CABIN1: variants seen among roughly 807,000 people sequenced by gnomAD.
The protein encoded by CABIN1 is calcineurin-binding protein cabin-1.
CABIN1 carries 133 observed loss-of-function variants against 227.7 expected under a neutral mutation model. That is an observed-to-expected ratio of 0.58 (90% CI 0.51 to 0.67). The LOEUF (loss-of-function observed/expected upper bound fraction) is 0.67. Among genes scored for constraint, CABIN1 ranks in the 30% least tolerant of loss-of-function variants. CABIN1 has a pLI of 0.00. For synonymous variants in CABIN1, 1,086 were observed against 1,155.1 expected, an observed-to-expected ratio of 0.94 and a Z score of 1.21; for missense variants, 2,408 against 2,852.5, an observed-to-expected ratio of 0.84 and a Z score of 3.55.
In CABIN1 at chr22:24,167,092, GC is replaced by G; in HGVS notation, c.5466del (p.Ala1823ProfsTer83). The G allele has an allele frequency of 8.3e-7, 1 of 1,209,058 alleles. No homozygotes were observed. The highest frequency in any genetic ancestry group is 1.1e-6 in the Non-Finnish European group (1 of 889,682). The allele number at this position is 1,209,058 out of a possible 1,614,324, so 74.9% of individuals were successfully genotyped here. A position where few individuals can be genotyped will look rare whatever the true frequency, so the allele number is the denominator to read the frequency against. Reference sequence around the variant, plus strand: ...GCTCACCCCAGCCCAGCCAGCCCCCGCCCCCGCCCCCGCCACCACCACAGGG... The same window carrying G: ...GCTCACCCCAGCCCAGCCAGCCCCCGCCCCGCCCCCGCCACCACCACAGGG... ...TPLTPAQPAP[A>X]PAPATTTGTR... On this transcript the variant is annotated frameshift_variant, in exon 32 of 37. Transcript: ENST00000263119. LOFTEE classifies it high-confidence loss of function.
intron 26 of CABIN1, 94 bp downstream of exon 26, chr22:24,098,286 AG>A (rs575668543): frequency 5.0e-5 from 69 of 1,381,276 alleles, no homozygotes; most frequent in Admixed American, 2.6e-4. Flanking sequence ...CGTTTTGGTG[AG>A]GGGGGGTGCT....
chr22:24,168,512 C>A lies in CABIN1; in HGVS notation c.5748C>A (p.Ala1916=). The A allele has an allele frequency of 6.4e-7, 1 of 1,557,784 alleles. No homozygotes were observed. The highest frequency in any genetic ancestry group is 8.7e-7 in the Non-Finnish European group (1 of 1,150,618). ...GCCAGGTCCATCTTGGGGCTGCCGC[C>A]CAGAGACAGGTAAGCCCAATTTAGC... is the stretch of plus-strand genomic sequence containing the variant. ...KFCQVHLGAA[A]QRQASGDTPT... is the part of the protein sequence containing the mutation. The change falls in exon 33 of 37, where the codon GCC becomes GCA. Residue 1916 remains alanine, a synonymous_variant. Transcript: ENST00000263119.
At chr22:24,091,267 G>A (rs886924724) in intron 23 of CABIN1, among the ~76,000 whole-genome samples, 3 of 152,220 alleles carry the variant, frequency 2.0e-5, no homozygotes, top group African/African-American at 7.2e-5. Flanking sequence ...CCTCTCCAGT[G>A]CTGTGGAGCA....
chr22:24,065,058 G>A (rs111915066), intron 15 of CABIN1, among the ~76,000 whole-genome samples: 13 of 151,936 alleles, frequency 8.6e-5, no homozygotes, highest in Non-Finnish European at 1.8e-4. Flanking sequence ...GGTGGTGGCC[G>A]GGCAGAGGGG....
intron 1 of CABIN1, among the ~76,000 whole-genome samples, chr22:24,015,490 G>A (rs2035206524): frequency 6.7e-6 from 1 of 150,102 alleles, no homozygotes; most frequent in South Asian, 2.2e-4. Flanking sequence ...GACTACAGGC[G>A]CCCACCACCG....
intron 34 of CABIN1, among the ~76,000 whole-genome samples, chr22:24,172,854 G>T (rs1441733993): frequency 6.6e-6 from 1 of 152,176 alleles, no homozygotes; most frequent in African/African-American, 2.4e-5. Flanking sequence ...CCTGGGCCAG[G>T]TTCCACCTGC....
intron 29 of CABIN1, among the ~76,000 whole-genome samples, chr22:24,159,317 G>A (rs954273555): frequency 1.3e-5 from 2 of 152,238 alleles, no homozygotes; most frequent in African/African-American, 2.4e-5. Context: ...CAGAAGCTGG[G>A]GGCAACCCTG....
chr22:24,110,163 G>A (rs531973774), intron 26 of CABIN1, among the ~76,000 whole-genome samples: 48 of 152,246 alleles, frequency 3.2e-4, no homozygotes, highest in African/African-American at 1.1e-3. Context: ...ACAAGACCCT[G>A]TCTCAAAAAA....
rs751849050 is a variant in CABIN1, at chr22:24,171,696, CTT to C, written c.5758-16_5758-15del. The C allele has an allele frequency of 5.6e-6, 9 of 1,613,728 alleles. No individual in the cohort carries two copies. The highest frequency in any genetic ancestry group is 2.7e-5 in the African/African-American group (2 of 74,934). On this transcript the variant is annotated splice_polypyrimidine_tract_variant and intron_variant, in intron 33 of 36. Transcript: ENST00000263119. The stretch of plus-strand genomic sequence containing the variant: ...GCTGCCTAGCCAGCCTTTCTCACCT[CTT>C]GTTTGTCCTCACAGGCCTCGGGGGA...
At chr22:24,042,708 CA>C (rs2037471836) in intron 5 of CABIN1, among the ~76,000 whole-genome samples, 195 bp from the exon 6 acceptor site, 1 of 152,056 alleles carries the variant, frequency 6.6e-6, no homozygotes, top group Non-Finnish European at 1.5e-5. Flanking sequence ...CATTACTTGT[CA>C]GTTATAAGAT....
intron 29 of CABIN1, among the ~76,000 whole-genome samples, chr22:24,147,732 G>T (rs575693100): frequency 6.6e-6 from 1 of 152,228 alleles, no homozygotes; most frequent in Non-Finnish European, 1.5e-5. Context: ...GCATGAGCCA[G>T]TGTGCCTGGC....
intron 19 of CABIN1, among the ~76,000 whole-genome samples, chr22:24,078,716 C>G (rs757457706): frequency 2.6e-5 from 4 of 152,292 alleles, no homozygotes; most frequent in Non-Finnish European, 4.4e-5. Context: ...TGCCCACCCC[C>G]CTTCTGTGTA....
chr22:24,036,501 G>A (rs1023442779), intron 3 of CABIN1, among the ~76,000 whole-genome samples: 9 of 152,096 alleles, frequency 5.9e-5, no homozygotes, highest in African/African-American at 1.9e-4. Context: ...ATGGTGTTTC[G>A]AGGTTCCCTA....
intron 26 of CABIN1, among the ~76,000 whole-genome samples, chr22:24,106,453 A>C (rs1481514345): frequency 6.6e-6 from 1 of 152,212 alleles, no homozygotes; most frequent in Non-Finnish European, 1.5e-5. Flanking sequence ...ACCACAGTCC[A>C]AACAACCCTC....
At position 24,171,731 on chromosome 22, in the gene CABIN1, A is replaced by G; in HGVS notation, c.5776A>G (p.Thr1926Ala). The change falls in exon 34 of 37, where the codon ACC becomes GCC. Residue 1926 changes from threonine to alanine, a missense_variant. Transcript: ENST00000263119. ...CTCACAGGCCTCGGGGGACACCCCCACCACTCCAAAGCACCCCAAAGACAG... is the reference window on the plus strand; with the variant it reads ...CTCACAGGCCTCGGGGGACACCCCCGCCACTCCAAAGCACCCCAAAGACAG... The part of the protein sequence containing the change: ...AQRQASGDTP[T>A]TPKHPKDSRE... The G allele has an allele frequency of 1.9e-6, 3 of 1,614,052 alleles. No individual in the cohort carries two copies. Among genetic ancestry groups the G allele is most frequent in the Middle Eastern group, 1.6e-4 (1 of 6,062 alleles).
chr22:24,058,368 C>T (rs2038952494), intron 10 of CABIN1, among the ~76,000 whole-genome samples: 1 of 152,222 alleles, frequency 6.6e-6, no homozygotes, highest in East Asian at 1.9e-4. Context: ...AACATGGTAG[C>T]TCGCCTGATG....
At chr22:24,114,513 G>C (rs1255144967) in intron 27 of CABIN1, among the ~76,000 whole-genome samples, 1 of 152,238 alleles carries the variant, frequency 6.6e-6, no homozygotes, top group Non-Finnish European at 1.5e-5. Context: ...TAGAAAAAAA[G>C]CACAATGACT....
At chr22:24,045,984 A>C (rs1484259606) in intron 6 of CABIN1, among the ~76,000 whole-genome samples, 3 of 152,240 alleles carry the variant, frequency 2.0e-5, no homozygotes, top group Non-Finnish European at 4.4e-5. Context: ...AAGATACAGA[A>C]CATGTGCAGC....
In CABIN1 at chr22:24,038,430, A is replaced by G; in HGVS notation, c.179A>G (p.His60Arg). 1.2e-6 allele frequency: 2 copies of G among 1,614,008 alleles called. No individual in the cohort carries two copies. Among genetic ancestry groups the G allele is most frequent in the Middle Eastern group, 1.7e-4 (1 of 6,006 alleles). Reference sequence around the variant, plus strand: ...TTTGAGGAGTCTGCCAAAGCCTACCATGAGCTCTTGGAGGCGAGCCTGCTG... The same window carrying G: ...TTTGAGGAGTCTGCCAAAGCCTACCGTGAGCTCTTGGAGGCGAGCCTGCTG... Reference protein sequence around the residue: ...DRFEESAKAYHELLEASLLRE... With the variant: ...DRFEESAKAYRELLEASLLRE... Residue 60 changes from histidine (H) to arginine (R), a missense_variant, in exon 4 of 37, where the codon CAT becomes CGT. Coordinates refer to ENST00000263119, the MANE Select transcript of CABIN1 (RefSeq NM_012295.4).
Sources: allele counts gnomAD v4.1 joint callset (sites outside exome capture counted in the v4.1 genomes callset), GRCh38; gene constraint gnomAD v4.1.1; transcripts MANE v1.5; gene names NCBI Gene and HGNC (gene_info 2026-07-23, HGNC 2026-07-21).